The following STIM1 variants were observed in gnomAD, a reference collection of about 807,000 sequenced individuals.
STIM1 encodes stromal interaction molecule 1.
A neutral mutation model predicts 74.7 loss-of-function variants in STIM1; 25 were observed. The observed-to-expected ratio is 0.33, with a 90% CI of 0.24 to 0.47. The LOEUF is 0.47. Among genes scored for constraint, STIM1 ranks in the 20% least tolerant of loss-of-function variants. The probability of loss-of-function intolerance (pLI) is 1.00; values close to 1 mark genes in which losing one functional copy is unlikely to be tolerated. For synonymous variants in STIM1, 328 were observed against 348.8 expected (o/e 0.94, Z 0.66); for missense variants, 728 against 920.8 (o/e 0.79, Z 2.71).
intron 1 of STIM1, among the ~76,000 whole-genome samples, chr11:3,904,219 A>G (rs1247259229): frequency 7.0e-6 from 1 of 142,060 alleles, no homozygotes; most frequent in African/African-American, 2.7e-5. Flanking sequence ...AAAAAAAAAA[A>G]GAAAATATAC....
chr11:3,985,627 C>A (rs1380059164), intron 2 of STIM1, among the ~76,000 whole-genome samples: 1 of 152,140 alleles, frequency 6.6e-6, no homozygotes, highest in Admixed American at 6.5e-5. Flanking sequence ...AATCTGGGCC[C>A]CACAGAGTGG....
intron 2 of STIM1, among the ~76,000 whole-genome samples, chr11:4,004,829 C>G (rs559669218): frequency 1.6e-3 from 250 of 152,230 alleles, no homozygotes; most frequent in African/African-American, 5.6e-3. Context: ...ATTTTCGCAA[C>G]CTACTCATCT....
rs1565105204 is a variant in STIM1 at position 3,895,718 on chromosome 11, C to CT, written c.139+39312dup. 2.3e-3 allele frequency among the ~76,000 whole-genome samples: 75 copies of CT among 32,898 alleles called. 1 individual carries two copies. Among genetic ancestry groups the CT allele is most frequent in the African/African-American group, 7.4e-3 (36 of 4,852 alleles). The allele number at this position is 32,898 out of a possible 152,430, so 21.6% of individuals were successfully genotyped here. A position where few individuals can be genotyped will look rare whatever the true frequency, so the allele number is the denominator to read the frequency against. ...TCTTTCTTTCTTTCTTTCTTTCTTT[C>CT]TTTCTTTCTTTCTTTCTTTTTCTTT... On this transcript the variant is annotated intron_variant, in intron 1 of 12. Coordinates refer to ENST00000526596, the MANE Select transcript of STIM1 (RefSeq NM_001382567.1).
At chr11:4,071,534 G>T (rs977863715) in intron 6 of STIM1, among the ~76,000 whole-genome samples, 1 of 152,002 alleles carries the variant, frequency 6.6e-6, no homozygotes, top group African/African-American at 2.4e-5. Context: ...GTAGAGACAG[G>T]GGTCTTGCTG....
intron 5 of STIM1, among the ~76,000 whole-genome samples, chr11:4,064,390 A>T (rs537158183): frequency 4.6e-5 from 7 of 152,208 alleles, no homozygotes; most frequent in African/African-American, 1.7e-4. Flanking sequence ...TTTAATACCC[A>T]TTTAGGAGGC....
At chr11:4,079,883 G>T (rs1285430076) in intron 7 of STIM1, among the ~76,000 whole-genome samples, 1 of 152,072 alleles carries the variant, frequency 6.6e-6, no homozygotes, top group African/African-American at 2.4e-5. Flanking sequence ...CCAGATAAAT[G>T]AAATCACTGT....
At chr11:4,074,789 A>G in intron 7 of STIM1, 110 bp downstream of exon 7, 1 of 1,248,358 alleles carries the variant, frequency 8.0e-7, no homozygotes, top group Non-Finnish European at 1.1e-6. Flanking sequence ...TGATCCAAAG[A>G]CTATGTTCTA....
intron 1 of STIM1, among the ~76,000 whole-genome samples, chr11:3,861,800 T>C (rs1212546607): frequency 6.6e-6 from 1 of 152,092 alleles, no homozygotes; most frequent in Non-Finnish European, 1.5e-5. Flanking sequence ...CCCTTAGGGA[T>C]ATGGGGCCTT....
At chr11:3,875,289 A>G (rs2091271934) in intron 1 of STIM1, among the ~76,000 whole-genome samples, 1 of 152,238 alleles carries the variant, frequency 6.6e-6, no homozygotes, top group East Asian at 1.9e-4. Context: ...AGGCAAACAC[A>G]TGTAAAGGCA....
intron 1 of STIM1, among the ~76,000 whole-genome samples, chr11:3,937,145 G>A (rs933374113): frequency 6.6e-6 from 1 of 151,896 alleles, no homozygotes; most frequent in South Asian, 2.1e-4. Flanking sequence ...ACAAAAATTA[G>A]CTGGGTGTGA....
At chr11:4,057,662 T>A (rs2959067) in intron 4 of STIM1, among the ~76,000 whole-genome samples, 119,965 of 151,894 alleles carry the variant, frequency 0.79, 50,164 homozygotes, top group East Asian at 0.95. Context: ...CGAGGTCAGG[T>A]GATCGAGACT....
At chr11:3,886,779 G>A (rs1448585609) in intron 1 of STIM1, among the ~76,000 whole-genome samples, 4 of 146,722 alleles carry the variant, frequency 2.7e-5, no homozygotes, top group Non-Finnish European at 3.0e-5. Flanking sequence ...CGAGGCGGGC[G>A]GATTACGAGG....
intron 3 of STIM1, among the ~76,000 whole-genome samples, chr11:4,024,349 T>A (rs557856967): frequency 2.2e-4 from 33 of 152,300 alleles, no homozygotes; most frequent in Non-Finnish European, 4.1e-4. Flanking sequence ...GCTTCCCACT[T>A]AGTCCCAGCT....
At chr11:3,884,818 C>G (rs2091644329) in intron 1 of STIM1, among the ~76,000 whole-genome samples, 1 of 151,534 alleles carries the variant, frequency 6.6e-6, no homozygotes, top group South Asian at 2.1e-4. Context: ...ATAATGGAAT[C>G]TTATTTAGCC....
At chr11:4,065,063 G>A (rs1396062415) in intron 5 of STIM1, among the ~76,000 whole-genome samples, 4 of 152,146 alleles carry the variant, frequency 2.6e-5, no homozygotes, top group Non-Finnish European at 5.9e-5. Context: ...TAAATAAATG[G>A]TAGCTACTAT....
chr11:3,981,214 C>T (rs1356456276), intron 2 of STIM1, among the ~76,000 whole-genome samples: 2 of 152,158 alleles, frequency 1.3e-5, no homozygotes, highest in African/African-American at 2.4e-5. Flanking sequence ...AGGCGTGAGC[C>T]ACCACGCCCA....
Position 3,924,193 on chromosome 11 carries a change from T to C in STIM1, c.140-43359T>C, listed in dbSNP as rs59768660. On this transcript the variant is annotated intron_variant, in intron 1 of 12. Transcript: ENST00000526596. ...CTTGTAGTGGTCTTATATATCTTTT[T>C]TTTTCTTTTCTTTTTTTTTTTTTGA... 2.2e-3 allele frequency among the ~76,000 whole-genome samples: 337 copies of C among 150,286 alleles called. 2 individuals carry two copies. Among genetic ancestry groups the C allele is most frequent in the East Asian group, 0.015 (73 of 4,730 alleles).
At chr11:4,009,610 A>AAAT (rs138315167) in intron 2 of STIM1, among the ~76,000 whole-genome samples, 10,932 of 150,200 alleles carry the variant, frequency 0.073, 497 homozygotes, top group Non-Finnish European at 0.11. Flanking sequence ...CTCCATCTCA[A>AAAT]AATAATAATA....
rs183359455 is a variant in STIM1, at chr11:3,910,453, G to C, written c.139+54044G>C. Among the ~76,000 whole-genome samples, 158 of 152,262 alleles carry C rather than the reference G, an allele frequency of 1.0e-3. 2 individuals carry two copies. The highest frequency in any genetic ancestry group is 1.9e-4 in the Non-Finnish European group (13 of 68,028). On this transcript the variant is annotated intron_variant, in intron 1 of 12. Transcript: ENST00000526596. Reference sequence around the variant, plus strand: ...TCATCAAAAACTAAGGTCCAGCTGGGCATGGTGGCACCTGCTTGCAGTCCC... The same window carrying C: ...TCATCAAAAACTAAGGTCCAGCTGGCCATGGTGGCACCTGCTTGCAGTCCC...
Sources: allele counts gnomAD v4.1 joint callset (sites outside exome capture counted in the v4.1 genomes callset), GRCh38; gene constraint gnomAD v4.1.1; transcripts MANE v1.5; gene names NCBI Gene and HGNC (gene_info 2026-07-23, HGNC 2026-07-21).